Variants in FAM227B observed in about 807,000 individuals in gnomAD.
The protein encoded by FAM227B is protein FAM227B.
Under a neutral mutation model 73.8 loss-of-function variants are expected in FAM227B, and 88 were observed. That is an observed-to-expected ratio of 1.19 (90% CI 1.00 to 1.42). FAM227B has a LOEUF of 1.42. Ranked by LOEUF, FAM227B falls within the 40% of genes most tolerant of loss-of-function variation. The pLI is 0.00. For missense variants in FAM227B, 632 were observed against 590.9 expected (o/e 1.07, Z -0.72); for synonymous variants, 210 against 190.5 (o/e 1.10, Z -0.84).
At chr15:49,474,072 C>A (rs749310953) in intron 11 of FAM227B, among the ~76,000 whole-genome samples, 1 of 152,024 alleles carries the variant, frequency 6.6e-6, no homozygotes, top group Non-Finnish European at 1.5e-5. Flanking sequence ...TTATTATATT[C>A]AAACTCTAAA....
At chr15:49,467,028 G>A (rs1276489337) in intron 11 of FAM227B, among the ~76,000 whole-genome samples, 1 of 152,100 alleles carries the variant, frequency 6.6e-6, no homozygotes, top group Non-Finnish European at 1.5e-5. Context: ...AAACCAAAAT[G>A]TTTAGAATTA....
chr15:49,474,667 T>C (rs889919297), intron 11 of FAM227B, among the ~76,000 whole-genome samples: 4 of 152,032 alleles, frequency 2.6e-5, no homozygotes, highest in South Asian at 2.1e-4. Flanking sequence ...CCGGTACTGG[T>C]CCATGGCCTG....
chr15:49,370,313 T>C (rs534107015), intron 12 of FAM227B, among the ~76,000 whole-genome samples: 9 of 152,364 alleles, frequency 5.9e-5, no homozygotes, highest in Admixed American at 2.0e-4. Flanking sequence ...TACAAACCCA[T>C]GTGTTAGCTA....
rs1279791587 is a variant in FAM227B at position 49,327,437 on chromosome 15, G to T, written c.*1131C>A. On this transcript the variant is annotated 3_prime_UTR_variant, in exon 16 of 16. Transcript: ENST00000299338. ...GTGAACTAGGCTATCTGTTCTAGGG[G>T]ACTGATTCTTCTTTGAAACAGCCCG... is the stretch of plus-strand genomic sequence containing the variant. 2.0e-5 allele frequency: 3 copies of T among 152,456 alleles called. No individual in the cohort carries two copies. The highest frequency in any genetic ancestry group is 7.2e-5 in the African/African-American group (3 of 41,444). 9.4% of individuals were successfully genotyped at this position (152,456 alleles called of 1,614,324 possible).
chr15:49,489,865 TATATATATATATATATATAGAGAGAGAG>T (rs1567383063), intron 11 of FAM227B, among the ~76,000 whole-genome samples: 214 of 10,398 alleles, frequency 0.021, no homozygotes, highest in Admixed American at 0.059. Flanking sequence ...ATATTTTATA[TATATATATATATATATATAGAGAGAGAG>T]AGAGAGAGAG....
At chr15:49,450,406 T>A (rs2052617434) in intron 11 of FAM227B, among the ~76,000 whole-genome samples, 1 of 152,090 alleles carries the variant, frequency 6.6e-6, no homozygotes, top group Non-Finnish European at 1.5e-5. Context: ...TTTTTTCCCT[T>A]ATACTGACCC....
chr15:49,438,887 AAAAAAGAGAGAG>A (rs1233166758), intron 11 of FAM227B, among the ~76,000 whole-genome samples: 25 of 151,370 alleles, frequency 1.7e-4, no homozygotes, highest in African/African-American at 5.8e-4. Flanking sequence ...AGAGAGGGAG[AAAAAAGAGAGAG>A]AAAAAGAGAG....
intron 11 of FAM227B, among the ~76,000 whole-genome samples, chr15:49,502,973 C>A (rs1429909941): frequency 6.6e-6 from 1 of 152,144 alleles, no homozygotes; most frequent in Non-Finnish European, 1.5e-5. Context: ...CCAAGTCAAT[C>A]CTAAGCCAAA....
At chr15:49,383,980 A>G (rs1242878196) in intron 11 of FAM227B, among the ~76,000 whole-genome samples, 1 of 152,004 alleles carries the variant, frequency 6.6e-6, no homozygotes, top group Non-Finnish European at 1.5e-5. Context: ...TAACATCCCA[A>G]TGTGTTCCTC....
At chr15:49,544,314 T>A (rs1456938493) in intron 9 of FAM227B, among the ~76,000 whole-genome samples, 1 of 152,190 alleles carries the variant, frequency 6.6e-6, no homozygotes, top group Non-Finnish European at 1.5e-5. Context: ...GCTTGGTTGT[T>A]GTTGGTGTAT....
In FAM227B at chr15:49,411,568, G is replaced by C. The variant is rs545147112; in HGVS notation, c.1013-40169C>G. Among the ~76,000 whole-genome samples the C allele has an allele frequency of 3.5e-4, 53 of 152,112 alleles. No homozygotes were observed. In the South Asian group the frequency reaches 0.01, roughly 30 times the overall value. On this transcript the variant is annotated intron_variant, in intron 11 of 15. Coordinates refer to ENST00000299338, the MANE Select transcript of FAM227B (RefSeq NM_152647.3). ...TGGAAGGCATAAAGAAGGCAATCAA[G>C]GTAAAGGATGAGTACATATAAAACA...
intron 3 of FAM227B, among the ~76,000 whole-genome samples, chr15:49,602,836 A>G (rs997115240): frequency 6.6e-6 from 1 of 152,208 alleles, no homozygotes; most frequent in Non-Finnish European, 1.5e-5. Context: ...GGAAAGAGAT[A>G]GGGGTCTAGT....
rs1382089364 is a variant in FAM227B at position 49,425,692 on chromosome 15, A to G, written c.1013-54293T>C. 2.0e-5 allele frequency among the ~76,000 whole-genome samples: 3 copies of G among 152,036 alleles called. No individual in the cohort carries two copies. In the East Asian group the frequency reaches 5.8e-4, roughly 29 times the overall value. Reference sequence around the variant, plus strand: ...GGGTTCTGAACTAATCAACCAATCAATGGGAATTTCAGAGAATTATGTTTC... The same window carrying G: ...GGGTTCTGAACTAATCAACCAATCAGTGGGAATTTCAGAGAATTATGTTTC... On this transcript the variant is annotated intron_variant, in intron 11 of 15. Coordinates refer to ENST00000299338, the MANE Select transcript of FAM227B (RefSeq NM_152647.3).
intron 9 of FAM227B, among the ~76,000 whole-genome samples, chr15:49,546,004 A>T (rs1249691559): frequency 1.3e-5 from 2 of 151,600 alleles, no homozygotes; most frequent in African/African-American, 2.4e-5. Flanking sequence ...CATGTGCACA[A>T]CGTGCAGGTT....
At chr15:49,367,310 A>T (rs566762885) in intron 13 of FAM227B, 138 bp downstream of exon 13, 1 of 717,860 alleles carries the variant, frequency 1.4e-6, no homozygotes, top group African/African-American at 1.9e-5. Context: ...AGTTTTAAGC[A>T]TAAGTAAATA....
intron 9 of FAM227B, among the ~76,000 whole-genome samples, chr15:49,550,780 C>T (rs148683656): frequency 0.19 from 28,311 of 150,634 alleles, 3,382 homozygotes; most frequent in East Asian, 0.32. Flanking sequence ...CGGGCAGAGA[C>T]ACTCCTCACT....
chr15:49,512,084 C>T (rs2059043186), intron 10 of FAM227B, among the ~76,000 whole-genome samples: 1 of 152,024 alleles, frequency 6.6e-6, no homozygotes, highest in African/African-American at 2.4e-5. Flanking sequence ...TTCTGGGGTA[C>T]ATGTGCAGAA....
At chr15:49,342,484 A>G (rs901455871) in intron 13 of FAM227B, among the ~76,000 whole-genome samples, 1 of 152,152 alleles carries the variant, frequency 6.6e-6, no homozygotes, top group African/African-American at 2.4e-5. Flanking sequence ...CTTTTATCCA[A>G]CTTGCAACTC....
intron 1 of FAM227B, 166 bp downstream of exon 1, chr15:49,620,534 G>C (rs1194466583): frequency 1.3e-5 from 2 of 152,114 alleles, no homozygotes; most frequent in African/African-American, 4.8e-5. Context: ...AAATCATTAA[G>C]ATACAAATGA....
Sources: gnomAD v4.1 joint callset for allele counts (sites outside exome capture counted in the v4.1 genomes callset) on GRCh38, gnomAD v4.1.1 for gene constraint, MANE v1.5 for transcripts, NCBI Gene and HGNC (gene_info 2026-07-23, HGNC 2026-07-21) for gene names.